Variants in DMD observed in about 807,000 individuals in gnomAD.
DMD encodes the protein dystrophin.
A neutral mutation model predicts 330.1 loss-of-function variants in DMD; 63 were observed. That is an observed-to-expected ratio of 0.19 (90% CI 0.16 to 0.24). DMD has a LOEUF of 0.24. Ranked by LOEUF, DMD falls within the 10% of genes least tolerant of loss-of-function variation. The probability of loss-of-function intolerance (pLI) is 1.00; values close to 1 mark genes in which losing one functional copy is unlikely to be tolerated. For synonymous variants in DMD, 1,223 were observed against 959.8 expected, an observed-to-expected ratio of 1.27 and a Z score of -5.07; for missense variants, 3,344 against 2,684.1, an observed-to-expected ratio of 1.25 and a Z score of -5.43.
chrX:32,640,345 A>T (rs1344567337), intron 11 of DMD, among the ~76,000 whole-genome samples: 1 of 109,178 alleles, frequency 9.2e-6, no homozygotes, highest in Non-Finnish European at 1.9e-5. Context: ...TAAAGTAGAG[A>T]ACAGAAAAGA....
chrX:31,329,906 G>C (rs1325330413), intron 61 of DMD, among the ~76,000 whole-genome samples: 2 of 101,125 alleles, frequency 2.0e-5, no homozygotes, highest in African/African-American at 7.3e-5. Context: ...GGGAGGTGGA[G>C]GTTGCAGTCA....
At chrX:31,226,521 C>A (rs1166699521) in intron 63 of DMD, among the ~76,000 whole-genome samples, 3 of 111,864 alleles carry the variant, frequency 2.7e-5, no homozygotes, top group Non-Finnish European at 5.6e-5. Context: ...TAACATTTGC[C>A]TGGACGCTGT....
chrX:31,167,567 T>C (rs1343139561), intron 74 of DMD, among the ~76,000 whole-genome samples: 1 of 111,737 alleles, frequency 8.9e-6, no homozygotes, highest in African/African-American at 3.3e-5. Context: ...GTTCCAACTT[T>C]TTATTCCGAT....
At chrX:32,776,789 A>G (rs2074196300) in intron 7 of DMD, among the ~76,000 whole-genome samples, 1 of 111,693 alleles carries the variant, frequency 9.0e-6, no homozygotes, top group African/African-American at 3.3e-5. Context: ...ACAATGAGAA[A>G]TTTTCCCTAA....
chrX:31,333,894 T>C (rs1360262287), intron 61 of DMD, among the ~76,000 whole-genome samples: 1 of 111,323 alleles, frequency 9.0e-6, no homozygotes, highest in Non-Finnish European at 1.9e-5. Flanking sequence ...AGAAGGGCGG[T>C]AAGGAGACTA....
chrX:31,941,627 G>A lies in DMD; in HGVS notation c.6615-9400C>T, dbSNP rs751643811. Reference sequence around the variant, plus strand: ...GTATGTTGTGTGATGCCAAGGTTTAGGGTAAAAATGATCCCACCACACACA... The same window carrying A: ...GTATGTTGTGTGATGCCAAGGTTTAAGGTAAAAATGATCCCACCACACACA... On this transcript the variant is annotated intron_variant, in intron 45 of 78. Coordinates refer to ENST00000357033, the MANE Select transcript of DMD (RefSeq NM_004006.3). Among the ~76,000 whole-genome samples, 6 of 111,404 alleles carry A rather than the reference G, an allele frequency of 5.4e-5. No individual in the cohort carries two copies. The South Asian group carries it at 2.3e-3, about 43-fold the overall frequency.
At chrX:32,868,109 G>A (rs1165741552) in intron 2 of DMD, among the ~76,000 whole-genome samples, 1 of 111,434 alleles carries the variant, frequency 9.0e-6, no homozygotes, top group African/African-American at 3.3e-5. Flanking sequence ...TGGCCCACCT[G>A]GGAGCCAAAC....
At chrX:32,677,918 A>C (rs999115858) in intron 9 of DMD, among the ~76,000 whole-genome samples, 4 of 112,103 alleles carry the variant, frequency 3.6e-5, no homozygotes, top group African/African-American at 6.5e-5. Context: ...AATTTTATTC[A>C]GTCTTTAAAA....
chrX:31,899,595 G>C (rs7052062), intron 47 of DMD, among the ~76,000 whole-genome samples: 20,283 of 110,467 alleles, frequency 0.18, 1,642 homozygotes, highest in African/African-American at 0.31. Context: ...GTTGTCTCTA[G>C]GAGTTGGAAG....
chrX:31,299,393 A>T (rs2054459993), intron 62 of DMD, among the ~76,000 whole-genome samples: 1 of 112,103 alleles, frequency 8.9e-6, no homozygotes, highest in South Asian at 3.7e-4. Context: ...TACACATAAA[A>T]ACTAACTGCA....
rs1359039055 is a variant in DMD, at chrX:32,383,430, G to A, written c.4675-2750C>T. On this transcript the variant is annotated intron_variant, in intron 33 of 78. Transcript: ENST00000357033. ...ATAATGTAATAACATTTCCTTTGTT[G>A]CCTTTGCTTTCATTAGACAAAGCTA... 2.7e-5 allele frequency among the ~76,000 whole-genome samples: 3 copies of A among 111,186 alleles called. No individual in the cohort carries two copies. In the Admixed American group the frequency reaches 2.9e-4, roughly 11 times the overall value.
intron 62 of DMD, among the ~76,000 whole-genome samples, chrX:31,265,166 A>C (rs1381128623): frequency 8.9e-6 from 1 of 112,209 alleles, no homozygotes; most frequent in Non-Finnish European, 1.9e-5. Flanking sequence ...AGAGGATTAG[A>C]GTTTGGTTTC....
At chrX:33,010,000 A>ACACG (rs2093637336) in intron 2 of DMD, among the ~76,000 whole-genome samples, 2 of 28,799 alleles carry the variant, frequency 6.9e-5, no homozygotes, top group African/African-American at 3.0e-4. Flanking sequence ...ATATACACGT[A>ACACG]TGTATGTGTA....
chrX:32,908,330 T>C (rs1569541553), intron 2 of DMD, among the ~76,000 whole-genome samples: 1 of 112,085 alleles, frequency 8.9e-6, no homozygotes, highest in Admixed American at 9.5e-5. Flanking sequence ...TCATATGGCT[T>C]GTAGTCTTCC....
rs569943015 is a variant in DMD at position 32,296,843 on chromosome X, C to T, written c.6118-9142G>A. ...TCCCCTGAAAATGACTTCAGTATTT[C>T]GATGATATTCTGGTTTGAAATATAT... On this transcript the variant is annotated intron_variant, in intron 42 of 78. Transcript: ENST00000357033. Among the ~76,000 whole-genome samples, 32 of 111,564 alleles carry T rather than the reference C, an allele frequency of 2.9e-4. No individual in the cohort carries two copies. In the South Asian group the frequency reaches 5.7e-3, roughly 20 times the overall value.
chrX:31,727,976 C>T (rs897404152), intron 52 of DMD, among the ~76,000 whole-genome samples: 4 of 112,364 alleles, frequency 3.6e-5, no homozygotes, highest in African/African-American at 6.5e-5. Flanking sequence ...CTAGAAAGAG[C>T]GCAGATTTTC....
intron 2 of DMD, among the ~76,000 whole-genome samples, chrX:32,941,937 C>T (rs1481079609): frequency 8.9e-6 from 1 of 112,039 alleles, no homozygotes; most frequent in Admixed American, 9.5e-5. Context: ...AGTTTCTGGA[C>T]TCTCTTCTTT....
At chrX:32,415,324 C>T (rs1461949832) in intron 29 of DMD, among the ~76,000 whole-genome samples, 1 of 111,899 alleles carries the variant, frequency 8.9e-6, no homozygotes, top group African/African-American at 3.3e-5. Context: ...GAGTTGACTT[C>T]GGGTGGGTTG....
chrX:31,670,233 T>G (rs2148682100), intron 53 of DMD, among the ~76,000 whole-genome samples: 1 of 112,104 alleles, frequency 8.9e-6, no homozygotes, highest in South Asian at 3.7e-4. Context: ...TCATGTTGTC[T>G]GCAAGTAGAG....
Sources: gnomAD v4.1 joint callset for allele counts (sites outside exome capture counted in the v4.1 genomes callset) on GRCh38, gnomAD v4.1.1 for gene constraint, MANE v1.5 for transcripts, NCBI Gene and HGNC (gene_info 2026-07-23, HGNC 2026-07-21) for gene names.